UNC5D: variants seen among roughly 807,000 people sequenced by gnomAD.
The protein encoded by UNC5D is netrin receptor UNC5D.
Under a neutral mutation model 105.4 loss-of-function variants are expected in UNC5D, and 39 were observed. The observed-to-expected ratio is 0.37, with a 90% CI of 0.29 to 0.48. The LOEUF (loss-of-function observed/expected upper bound fraction) is 0.48. Among genes scored for constraint, UNC5D ranks in the 20% least tolerant of loss-of-function variants. The pLI is 0.98. For synonymous variants in UNC5D, 452 were observed against 450.4 expected, an observed-to-expected ratio of 1.00 and a Z score of -0.04; for missense variants, 991 against 1,202.4, an observed-to-expected ratio of 0.82 and a Z score of 2.60.
intron 4 of UNC5D, among the ~76,000 whole-genome samples, chr8:35,639,419 A>G (rs1003417778): frequency 6.6e-6 from 1 of 152,238 alleles, no homozygotes; most frequent in Non-Finnish European, 1.5e-5. Flanking sequence ...TAGAAGAGTA[A>G]TCATAGCATA....
intron 7 of UNC5D, among the ~76,000 whole-genome samples, chr8:35,691,584 C>T (rs1826395270): frequency 6.6e-6 from 1 of 152,154 alleles, no homozygotes; most frequent in African/African-American, 2.4e-5. Context: ...AAATTACAAG[C>T]ATAAACATGC....
intron 1 of UNC5D, among the ~76,000 whole-genome samples, chr8:35,487,818 A>G (rs564018463): frequency 5.3e-5 from 8 of 152,212 alleles, no homozygotes; most frequent in Non-Finnish European, 1.0e-4. Context: ...TCTGATGACA[A>G]CTTAGATGGA....
At chr8:35,418,440 G>C (rs1045403953) in intron 1 of UNC5D, among the ~76,000 whole-genome samples, 4 of 152,142 alleles carry the variant, frequency 2.6e-5, no homozygotes, top group Admixed American at 2.6e-4. Context: ...TAATCCAAGT[G>C]CACATTAGTG....
chr8:35,549,652 G>A (rs747988424), intron 2 of UNC5D, 142 bp downstream of exon 2: 2 of 790,264 alleles, frequency 2.5e-6, no homozygotes, highest in African/African-American at 1.7e-5. Flanking sequence ...CATATAAGAT[G>A]CAATCCTTTT....
chr8:35,495,830 G>T (rs1478491516), intron 1 of UNC5D, among the ~76,000 whole-genome samples: 1 of 152,040 alleles, frequency 6.6e-6, no homozygotes, highest in Non-Finnish European at 1.5e-5. Flanking sequence ...ATTAATAAAA[G>T]GTGTTAATAT....
At chr8:35,704,101 C>T (rs951893932) in intron 7 of UNC5D, among the ~76,000 whole-genome samples, 1 of 152,176 alleles carries the variant, frequency 6.6e-6, no homozygotes, top group Admixed American at 6.6e-5. Context: ...TCAACATCAA[C>T]AAATTATTAT....
At chr8:35,601,750 G>A (rs1213194409) in intron 4 of UNC5D, among the ~76,000 whole-genome samples, 1 of 152,172 alleles carries the variant, frequency 6.6e-6, no homozygotes, top group Non-Finnish European at 1.5e-5. Context: ...TGCAAACAGG[G>A]ACAATTTGAC....
In UNC5D at chr8:35,549,952, CT is replaced by C. The variant is rs5890821; in HGVS notation, c.322+460del. Reference sequence around the variant, plus strand: ...CTCCACATTTGGTGGTTTCTGAGTCCTTTTTTTTTTTTTTTTTTGACTATGG... The same window carrying C: ...CTCCACATTTGGTGGTTTCTGAGTCCTTTTTTTTTTTTTTTTTGACTATGG... On this transcript the variant is annotated intron_variant, in intron 2 of 16. Transcript: ENST00000404895. Among the ~76,000 whole-genome samples, 604 of 125,546 alleles carry C rather than the reference CT, an allele frequency of 4.8e-3. 1 individual carries two copies. Among genetic ancestry groups the C allele is most frequent in the South Asian group, 8.2e-3 (31 of 3,776 alleles). The allele number at this position is 125,546 out of a possible 152,430, so 82.4% of individuals were successfully genotyped here.
intron 8 of UNC5D, among the ~76,000 whole-genome samples, chr8:35,719,350 A>G (rs1174788603): frequency 6.6e-6 from 1 of 152,142 alleles, no homozygotes; most frequent in Non-Finnish European, 1.5e-5. Flanking sequence ...ATCAGAAAAC[A>G]ATGGGATGGA....
At chr8:35,339,906 C>T (rs183689544) in intron 1 of UNC5D, among the ~76,000 whole-genome samples, 245 of 152,268 alleles carry the variant, frequency 1.6e-3, no homozygotes, top group Non-Finnish European at 2.8e-3. Context: ...CAGTGAGGGT[C>T]CCAGGAGCCT....
At chr8:35,517,210 CTT>C (rs1270471583) in intron 1 of UNC5D, among the ~76,000 whole-genome samples, 1 of 152,152 alleles carries the variant, frequency 6.6e-6, no homozygotes, top group African/African-American at 2.4e-5. Context: ...ACGTGCCTCT[CTT>C]TAACTTTTCT....
chr8:35,630,172 C>T (rs1821949211), intron 4 of UNC5D, among the ~76,000 whole-genome samples: 2 of 152,224 alleles, frequency 1.3e-5, no homozygotes, highest in Middle Eastern at 6.8e-3. Context: ...CTTTTTTATA[C>T]CGAACTTTAC....
chr8:35,495,352 C>T (rs1002689447), intron 1 of UNC5D, among the ~76,000 whole-genome samples: 1 of 149,244 alleles, frequency 6.7e-6, no homozygotes, highest in Non-Finnish European at 1.5e-5. Context: ...TGATTTAGAG[C>T]AGGGTGTCCA....
chr8:35,373,926 A>G (rs1422771129), intron 1 of UNC5D, among the ~76,000 whole-genome samples: 1 of 152,096 alleles, frequency 6.6e-6, no homozygotes, highest in Non-Finnish European at 1.5e-5. Flanking sequence ...GGCATGCTTT[A>G]TTTTCCAAAA....
At chr8:35,443,003 G>T (rs898301064) in intron 1 of UNC5D, among the ~76,000 whole-genome samples, 10 of 151,072 alleles carry the variant, frequency 6.6e-5, no homozygotes, top group Admixed American at 2.0e-4. Flanking sequence ...CCATAATATA[G>T]GTGAGGACCA....
At chr8:35,736,147 C>T (rs1484001748) in intron 11 of UNC5D, among the ~76,000 whole-genome samples, 2 of 152,108 alleles carry the variant, frequency 1.3e-5, no homozygotes, top group Non-Finnish European at 2.9e-5. Context: ...TCTGCCAAGC[C>T]CAGGAGTTTG....
At chr8:35,331,159 G>A (rs1810600078) in intron 1 of UNC5D, among the ~76,000 whole-genome samples, 2 of 152,154 alleles carry the variant, frequency 1.3e-5, no homozygotes, top group Admixed American at 1.3e-4. Flanking sequence ...TGAGAGATGA[G>A]AGATTAATTC....
intron 1 of UNC5D, among the ~76,000 whole-genome samples, chr8:35,359,211 G>T (rs185024471): frequency 6.6e-6 from 1 of 152,344 alleles, no homozygotes; most frequent in Non-Finnish European, 1.5e-5. Flanking sequence ...ATTTGTTTTT[G>T]AATGCAAATA....
At chr8:35,296,403 A>G (rs1486587264) in intron 1 of UNC5D, among the ~76,000 whole-genome samples, 3 of 152,068 alleles carry the variant, frequency 2.0e-5, no homozygotes, top group Non-Finnish European at 4.4e-5. Context: ...CACTTCTCCC[A>G]TGAGTAGTTG....
Sources: allele counts gnomAD v4.1 joint callset (sites outside exome capture counted in the v4.1 genomes callset), GRCh38; gene constraint gnomAD v4.1.1; transcripts MANE v1.5; gene names NCBI Gene and HGNC (gene_info 2026-07-23, HGNC 2026-07-21).